The following THADA variants were observed in gnomAD, a reference collection of about 807,000 sequenced individuals.
The protein encoded by THADA is THADA armadillo repeat containing, also known as tRNA (32-2'-O)-methyltransferase regulator THADA.
THADA carries 213 observed loss-of-function variants against 219.8 expected under a neutral mutation model. The observed-to-expected ratio is 0.97, with a 90% CI of 0.87 to 1.09. THADA has a LOEUF of 1.09. Ranked by LOEUF, THADA falls within the 50% of genes least tolerant of loss-of-function variation. The pLI, the probability that THADA is intolerant of heterozygous loss-of-function variation, is 0.00. For missense variants in THADA, 2,956 were observed against 2,311.3 expected (o/e 1.28, Z -5.72); for synonymous variants, 1,018 against 828.9 (o/e 1.23, Z -3.92).
chr2:43,589,434 A>T (rs1701327123), intron 4 of THADA, among the ~76,000 whole-genome samples: 1 of 152,252 alleles, frequency 6.6e-6, no homozygotes. Context: ...TTATGAACGG[A>T]AAGTGGCTGC....
At chr2:43,476,026 G>T (rs1685491225) in intron 26 of THADA, among the ~76,000 whole-genome samples, 1 of 152,074 alleles carries the variant, frequency 6.6e-6, no homozygotes, top group Non-Finnish European at 1.5e-5. Flanking sequence ...ATTTTGGTTG[G>T]GTATTCACCC....
intron 29 of THADA, among the ~76,000 whole-genome samples, chr2:43,388,860 T>C (rs1427444614): frequency 6.6e-6 from 1 of 152,220 alleles, no homozygotes; most frequent in Non-Finnish European, 1.5e-5. Flanking sequence ...ATTAATTTTT[T>C]TAAACACATT....
At chr2:43,539,353 T>C (rs1695009561) in intron 21 of THADA, among the ~76,000 whole-genome samples, 1 of 152,214 alleles carries the variant, frequency 6.6e-6, no homozygotes, top group African/African-American at 2.4e-5. Context: ...TTTTAACTCT[T>C]AAAGGTTTTA....
At chr2:43,423,366 G>A (rs1191405308) in intron 28 of THADA, among the ~76,000 whole-genome samples, 1 of 151,952 alleles carries the variant, frequency 6.6e-6, no homozygotes, top group African/African-American at 2.4e-5. Context: ...AGCATTTGAA[G>A]CTATGTCACC....
intron 36 of THADA, among the ~76,000 whole-genome samples, chr2:43,273,954 G>A (rs1672429734): frequency 6.6e-6 from 1 of 152,088 alleles, no homozygotes; most frequent in African/African-American, 2.4e-5. Context: ...CTACATGGCT[G>A]CTTGGACTCA....
intron 9 of THADA, among the ~76,000 whole-genome samples, chr2:43,577,451 G>A (rs1004294238): frequency 2.0e-5 from 3 of 150,648 alleles, no homozygotes; most frequent in Non-Finnish European, 4.4e-5. Context: ...TTGCTGGTTG[G>A]AATGTACTGG....
intron 22 of THADA, among the ~76,000 whole-genome samples, chr2:43,515,085 AATATATAT>A (rs1457432552): frequency 1.1e-4 from 1 of 9,342 alleles, no homozygotes; most frequent in South Asian, 2.5e-3. Flanking sequence ...AATATATATA[AATATATAT>A]ATTATATATA....
intron 36 of THADA, among the ~76,000 whole-genome samples, chr2:43,240,035 G>A (rs943975595): frequency 2.6e-5 from 4 of 152,250 alleles, no homozygotes; most frequent in African/African-American, 9.6e-5. Flanking sequence ...CGAAACAGTC[G>A]AAGACGGTGT....
intron 28 of THADA, among the ~76,000 whole-genome samples, chr2:43,404,508 C>T (rs1376248060): frequency 6.6e-6 from 1 of 151,808 alleles, no homozygotes; most frequent in Non-Finnish European, 1.5e-5. Context: ...TAAGGTACTA[C>T]CTTTTTTGTG....
chr2:43,444,326 T>C (rs1681244906), intron 26 of THADA, among the ~76,000 whole-genome samples: 1 of 152,222 alleles, frequency 6.6e-6, no homozygotes, highest in South Asian at 2.1e-4. Flanking sequence ...CTCCTGTGTG[T>C]GAACATTTGT....
chr2:43,303,765 G>C (rs1676526148), intron 31 of THADA, among the ~76,000 whole-genome samples: 1 of 150,388 alleles, frequency 6.6e-6, no homozygotes, highest in Non-Finnish European at 1.5e-5. Context: ...AATTAGAGAG[G>C]GCAGTTTCCC....
intron 15 of THADA, among the ~76,000 whole-genome samples, chr2:43,561,014 C>T (rs1032048396): frequency 5.9e-5 from 6 of 101,776 alleles, no homozygotes; most frequent in Non-Finnish European, 1.1e-4. Flanking sequence ...GAGACTTGGT[C>T]TCAAAAAAAA....
chr2:43,487,092 T>C (rs1384504192), intron 25 of THADA, among the ~76,000 whole-genome samples: 2 of 152,184 alleles, frequency 1.3e-5, no homozygotes, highest in African/African-American at 4.8e-5. Flanking sequence ...CCCTACTATG[T>C]GCCCTGCCTA....
chr2:43,539,006 A>G (rs1416768209), intron 21 of THADA, among the ~76,000 whole-genome samples: 2 of 152,214 alleles, frequency 1.3e-5, no homozygotes, highest in African/African-American at 4.8e-5. Context: ...AAGTCATCAA[A>G]TTTCAAAATA....
intron 26 of THADA, among the ~76,000 whole-genome samples, chr2:43,440,714 A>G (rs1375640329): frequency 6.6e-6 from 1 of 152,228 alleles, no homozygotes; most frequent in Non-Finnish European, 1.5e-5. Context: ...TTCCAGAGAA[A>G]TAAGTGGTCT....
chr2:43,556,849 G>C (rs1697418291), intron 16 of THADA, among the ~76,000 whole-genome samples: 1 of 152,158 alleles, frequency 6.6e-6, no homozygotes, highest in African/African-American at 2.4e-5. Context: ...AGGATCACTT[G>C]AGGTTAGGAG....
intron 26 of THADA, among the ~76,000 whole-genome samples, chr2:43,447,639 G>A (rs2104882850): frequency 6.6e-6 from 1 of 152,278 alleles, no homozygotes; most frequent in South Asian, 2.1e-4. Context: ...AAGCAAATCA[G>A]AGTCAAGGAA....
intron 26 of THADA, among the ~76,000 whole-genome samples, chr2:43,479,088 C>T (rs937910611): frequency 5.3e-5 from 8 of 152,036 alleles, no homozygotes; most frequent in African/African-American, 1.9e-4. Context: ...CAGACTATAC[C>T]AAAACACTAG....
chr2:43,366,225 T>G (rs1173780582), intron 29 of THADA, among the ~76,000 whole-genome samples: 13 of 152,206 alleles, frequency 8.5e-5, no homozygotes, highest in African/African-American at 2.7e-4. Context: ...ATGGGTTCTA[T>G]GCAATGAAAT....
Sources: allele counts gnomAD v4.1 joint callset (sites outside exome capture counted in the v4.1 genomes callset), GRCh38; gene constraint gnomAD v4.1.1; transcripts MANE v1.5; gene names NCBI Gene and HGNC (gene_info 2026-07-23, HGNC 2026-07-21).